Variants in C1QTNF3 observed in about 807,000 individuals in gnomAD.
C1QTNF3 encodes the protein C1q and TNF related 3.
C1QTNF3 carries 26 observed loss-of-function variants against 32.6 expected under a neutral mutation model. That is an observed-to-expected ratio of 0.80 (90% CI 0.58 to 1.11). C1QTNF3 has a LOEUF of 1.11. Ranked by LOEUF, C1QTNF3 falls within the 50% of genes least tolerant of loss-of-function variation. The pLI is 0.00. For synonymous variants in C1QTNF3, 155 were observed against 146.0 expected (o/e 1.06, Z -0.44); for missense variants, 362 against 398.2 (o/e 0.91, Z 0.77).
chr5:34,145,267 TAAC>T, the C1QTNF3 span, among the ~76,000 whole-genome samples: 8 of 152,066 alleles, frequency 5.3e-5, no homozygotes, highest in East Asian at 5.8e-4. Flanking sequence ...CTATCTGAAT[TAAC>T]AACAACAGCA....
the C1QTNF3 span, among the ~76,000 whole-genome samples, chr5:34,089,555 A>C: frequency 1.3e-5 from 2 of 152,200 alleles, no homozygotes. Flanking sequence ...GCAGACACTG[A>C]ATCTGCTGAT....
chr5:34,173,910 T>C, the C1QTNF3 span, among the ~76,000 whole-genome samples: 2 of 152,028 alleles, frequency 1.3e-5, no homozygotes, highest in Admixed American at 1.3e-4. Context: ...GTGAATTCAG[T>C]AACCAAAGTG....
intron 1 of C1QTNF3, among the ~76,000 whole-genome samples, chr5:34,039,099 T>G (rs915932729): frequency 6.6e-6 from 1 of 152,040 alleles, no homozygotes; most frequent in Admixed American, 6.6e-5. Flanking sequence ...CTAGGAGCAT[T>G]TGGCTGGTAA....
the C1QTNF3 span, chr5:34,176,007 T>C: frequency 2.8e-6 from 2 of 710,268 alleles, no homozygotes; most frequent in Middle Eastern, 3.9e-4. Context: ...ATTGTAAATG[T>C]TAGATAAAAA....
chr5:34,112,640 G>A, the C1QTNF3 span, among the ~76,000 whole-genome samples: 8 of 152,058 alleles, frequency 5.3e-5, no homozygotes. Flanking sequence ...CTGCACTCTA[G>A]CCTGAGCAGC....
chr5:34,227,960 G>C, the C1QTNF3 span, among the ~76,000 whole-genome samples: 21 of 149,652 alleles, frequency 1.4e-4, no homozygotes, highest in Non-Finnish European at 2.7e-4. Flanking sequence ...TTTGTCTCTT[G>C]TTGGCATGGA....
chr5:34,103,018 A>C, the C1QTNF3 span, among the ~76,000 whole-genome samples: 1 of 152,138 alleles, frequency 6.6e-6, no homozygotes, highest in Non-Finnish European at 1.5e-5. Context: ...ATACTCTCTC[A>C]ATGTTCTCTG....
At chr5:34,087,382 C>T in the C1QTNF3 span, among the ~76,000 whole-genome samples, 12 of 152,168 alleles carry the variant, frequency 7.9e-5, no homozygotes, top group Admixed American at 2.0e-4. Context: ...CACCTGTTTA[C>T]TGTTAAGCTA....
chr5:34,035,733 G>A lies in C1QTNF3; in HGVS notation c.329C>T (p.Pro110Leu), dbSNP rs1251733873. 6.2e-7 allele frequency: 1 copy of A among 1,612,816 alleles called. No homozygotes were observed. Among genetic ancestry groups the A allele is most frequent in the Admixed American group, 1.7e-5 (1 of 59,684 alleles). The change falls in exon 2 of 6, where the codon CCA becomes CTA. Residue 110 changes from proline to leucine, a missense_variant. Transcript: ENST00000382065. ...TCCATGACAACACTTACTGCAGTCT[G>A]GGGGTAGTCCTCCGGTTTGTGGAGA... is the stretch of plus-strand genomic sequence containing the variant. ...GQSPQTGGLP[P>L]DCSKCCHGDY... is the part of the protein sequence containing the mutation.
At chr5:34,176,327 A>G in the C1QTNF3 span, among the ~76,000 whole-genome samples, 6 of 151,410 alleles carry the variant, frequency 4.0e-5, no homozygotes, top group Non-Finnish European at 7.4e-5. Context: ...TGGGTGCAGC[A>G]CACCAGCATG....
chr5:34,039,778 A>G (rs1015254237), intron 1 of C1QTNF3, among the ~76,000 whole-genome samples: 3 of 152,216 alleles, frequency 2.0e-5, no homozygotes, highest in African/African-American at 7.2e-5. Flanking sequence ...ATACTAAAGT[A>G]TTTTCCAAAG....
At chr5:34,061,361 T>A in the C1QTNF3 span, among the ~76,000 whole-genome samples, 2 of 152,092 alleles carry the variant, frequency 1.3e-5, no homozygotes, top group African/African-American at 2.4e-5. Flanking sequence ...AATCTACCAT[T>A]CTGAGGTCTG....
upstream of C1QTNF3, among the ~76,000 whole-genome samples, chr5:34,044,141 C>T (rs1008756142): frequency 6.6e-6 from 1 of 152,128 alleles, no homozygotes; most frequent in Admixed American, 6.5e-5. Flanking sequence ...TCAAACACAG[C>T]GTATCCAGAT....
chr5:34,148,809 C>A, the C1QTNF3 span, among the ~76,000 whole-genome samples: 1 of 106,498 alleles, frequency 9.4e-6, no homozygotes, highest in African/African-American at 3.7e-5. Flanking sequence ...CTCTCCTCCT[C>A]CAAAGGAACG....
chr5:34,079,600 C>T, the C1QTNF3 span, among the ~76,000 whole-genome samples: 7 of 151,584 alleles, frequency 4.6e-5, 1 homozygote, highest in African/African-American at 1.7e-4. Flanking sequence ...TATTCTTCAG[C>T]GTTAAAAAAT....
chr5:34,087,901 C>T, the C1QTNF3 span, among the ~76,000 whole-genome samples: 1 of 152,186 alleles, frequency 6.6e-6, no homozygotes, highest in Non-Finnish European at 1.5e-5. Flanking sequence ...TTTTTTATTA[C>T]TGAAAAAGTA....
At chr5:34,132,456 T>G in the C1QTNF3 span, among the ~76,000 whole-genome samples, 1 of 86,448 alleles carries the variant, frequency 1.2e-5, no homozygotes, top group African/African-American at 3.6e-5. Flanking sequence ...TATATATATA[T>G]ATATATATAT....
At chr5:34,120,604 G>T in the C1QTNF3 span, among the ~76,000 whole-genome samples, 1 of 152,098 alleles carries the variant, frequency 6.6e-6, no homozygotes, top group East Asian at 1.9e-4. Context: ...TGAATCATAG[G>T]GGTGGGTCTT....
the C1QTNF3 span, among the ~76,000 whole-genome samples, chr5:34,126,545 T>C: frequency 0.49 from 63,200 of 129,448 alleles, 17,228 homozygotes; most frequent in Non-Finnish European, 0.6. Flanking sequence ...GGAGGTTCCT[T>C]AAGAAGCTAA....
Sources: allele counts gnomAD v4.1 joint callset (sites outside exome capture counted in the v4.1 genomes callset), GRCh38; gene constraint gnomAD v4.1.1; transcripts MANE v1.5; gene names NCBI Gene and HGNC (gene_info 2026-07-23, HGNC 2026-07-21).